The following ADGRL1 variants were observed in gnomAD, a reference collection of about 807,000 sequenced individuals.
ADGRL1 encodes adhesion G protein-coupled receptor L1, also known as CIRL-1.
ADGRL1 carries 31 observed loss-of-function variants against 148.9 expected under a neutral mutation model. That is an observed-to-expected ratio of 0.21 (90% CI 0.16 to 0.28). The LOEUF is 0.28. ADGRL1 is among the 10% of genes least tolerant of loss of function. The pLI is 1.00. For missense variants in ADGRL1, 1,521 were observed against 2,058.8 expected, an observed-to-expected ratio of 0.74 and a Z score of 5.05; for synonymous variants, 937 against 900.3, an observed-to-expected ratio of 1.04 and a Z score of -0.73.
rs996812554 is a variant in ADGRL1, at chr19:14,148,708, C to T, written c.*2165G>A. ...GGTCTTCTGGTGTAATGGGTTAGGC[C>T]TTTCTACCAGAAAAAGCCAGAGTTG... On this transcript the variant is annotated 3_prime_UTR_variant, in exon 23 of 23. Transcript: ENST00000361434. The T allele has an allele frequency of 6.5e-6, 1 of 152,716 alleles. No individual in the cohort carries two copies. The highest frequency in any genetic ancestry group is 1.5e-5 in the Non-Finnish European group (1 of 68,106). The allele number at this position is 152,716 out of a possible 1,614,324, so 9.5% of individuals were successfully genotyped here.
rs1971422393 is a variant in ADGRL1, at chr19:14,184,300, G to A, written c.-95-603C>T. 3.3e-5 allele frequency among the ~76,000 whole-genome samples: 5 copies of A among 152,278 alleles called. 1 individual carries two copies. In the East Asian group the frequency reaches 7.7e-4, roughly 24 times the overall value. On this transcript the variant is annotated intron_variant, in intron 1 of 22. Transcript: ENST00000361434. ...CTGGAGACAGGCAGGCGGGGTGGGA[G>A]GCGGACACTGCCTCCCCCTCTGGGG... is the stretch of plus-strand genomic sequence containing the variant.
intron 4 of ADGRL1, among the ~76,000 whole-genome samples, chr19:14,167,659 CA>C (rs1970105686): frequency 6.6e-6 from 1 of 151,894 alleles, no homozygotes; most frequent in African/African-American, 2.4e-5. Flanking sequence ...CCAGAAGAAG[CA>C]AACACAGAGA....
intron 1 of ADGRL1, among the ~76,000 whole-genome samples, chr19:14,197,214 G>A (rs1296380889): frequency 6.6e-6 from 1 of 152,050 alleles, no homozygotes; most frequent in Non-Finnish European, 1.5e-5. Flanking sequence ...CAAGGCTGCA[G>A]TGAGCTATGA....
intron 1 of ADGRL1, among the ~76,000 whole-genome samples, chr19:14,192,752 T>C (rs1457010519): frequency 6.6e-6 from 1 of 151,994 alleles, no homozygotes; most frequent in Non-Finnish European, 1.5e-5. Context: ...GGTTTCGCCA[T>C]ATTGGTCAGG....
Position 14,150,974 on chromosome 19 carries a change from G to C in ADGRL1, c.4309C>G (p.Gln1437Glu). The change falls in exon 23 of 23, where the codon CAG becomes GAG. Residue 1437 changes from glutamine (Q) to glutamate (E), a missense_variant. Gln to Glu is a conservative substitution (Grantham distance 29). This residue lies in a region of ADGRL1 where 390 missense variants were observed against 375.0 expected (regional missense o/e 1.04). Transcript: ENST00000361434. ...CCCTCGTGGCTAGGACGCCGCACCT[G>C]GTAGTAGCCCTGCAGGGGATTCCGG... The part of the protein sequence containing the change: ...VARNPLQGYY[Q>E]VRRPSHEGYL... 6.2e-7 allele frequency: 1 copy of C among 1,601,470 alleles called. No individual in the cohort carries two copies. The highest frequency in any genetic ancestry group is 8.5e-7 in the Non-Finnish European group (1 of 1,174,986).
intron 2 of ADGRL1, among the ~76,000 whole-genome samples, chr19:14,182,313 C>T (rs950292352): frequency 2.0e-5 from 3 of 152,202 alleles, no homozygotes; most frequent in African/African-American, 4.8e-5. Flanking sequence ...CCATGCTGGC[C>T]GGGGCAGCAC....
In ADGRL1 at chr19:14,157,621, C is replaced by G. The variant is rs1471946679; in HGVS notation, c.2536-161G>C. Among the ~76,000 whole-genome samples the G allele has an allele frequency of 6.6e-6, 1 of 152,258 alleles. No individual in the cohort carries two copies. Among genetic ancestry groups the G allele is most frequent in the Non-Finnish European group, 1.5e-5 (1 of 68,044 alleles). On this transcript the variant is annotated intron_variant, in intron 13 of 22. Transcript: ENST00000361434. This position sits in a 1 kb window ranked among gnomAD's most constrained non-coding sequence, Gnocchi z 7.5. ...TCACCCCTCTGCACGCAGCAATGCG[C>G]TCACTTCCTCATGCTCTGGAAGGCT...
chr19:14,182,408 G>A (rs1010957800), intron 2 of ADGRL1, among the ~76,000 whole-genome samples: 1 of 152,180 alleles, frequency 6.6e-6, no homozygotes, highest in Non-Finnish European at 1.5e-5. Context: ...GCCCCAATGT[G>A]GGGACCGTCG....
At position 14,162,829 on chromosome 19, in the gene ADGRL1, A is replaced by G. The variant is rs3745462; in HGVS notation, c.972T>C (p.Arg324=). 0.15 allele frequency: 235,715 copies of G among 1,613,804 alleles called. 20,909 individuals are homozygous for G. Among genetic ancestry groups the G allele is most frequent in the African/African-American group, 0.4 (30,225 of 74,910 alleles). The part of the protein sequence containing the change: ...FMVCGVLYVL[R]SVYVDDDSEA... The stretch of plus-strand genomic sequence containing the variant: ...CGCTGTCATCATCCACGTACACGGA[A>G]CGCAGGACGTACAGGACCCCACACA... The change falls in exon 5 of 23, where the codon CGT becomes CGC. Residue 324 remains arginine (R), a synonymous_variant. Coordinates refer to ENST00000361434, the MANE Select transcript of ADGRL1 (RefSeq NM_014921.5). This position sits in a 1 kb window ranked among gnomAD's most constrained non-coding sequence, Gnocchi z 5.4.
intron 1 of ADGRL1, among the ~76,000 whole-genome samples, chr19:14,188,037 C>T (rs1332959769): frequency 6.6e-6 from 1 of 152,030 alleles, no homozygotes; most frequent in Non-Finnish European, 1.5e-5. Flanking sequence ...TGCAAGGCTG[C>T]AGTAAGCTAT....
At chr19:14,188,919 G>A (rs919323198) in intron 1 of ADGRL1, among the ~76,000 whole-genome samples, 23 of 149,564 alleles carry the variant, frequency 1.5e-4, no homozygotes, top group Non-Finnish European at 2.8e-4. Context: ...GATTATAGGC[G>A]CCCACCACCA....
At chr19:14,204,358 G>A (rs1008467006) in intron 1 of ADGRL1, among the ~76,000 whole-genome samples, 3 of 152,070 alleles carry the variant, frequency 2.0e-5, no homozygotes, top group African/African-American at 7.2e-5. Flanking sequence ...GGGCAGACAG[G>A]AGAAGAGAAT....
chr19:14,197,307 A>C (rs2145150485), intron 1 of ADGRL1, among the ~76,000 whole-genome samples: 2 of 152,226 alleles, frequency 1.3e-5, no homozygotes, highest in South Asian at 4.1e-4. Context: ...CCGGCCACCA[A>C]GCAGCACTGG....
At chr19:14,192,432 C>T (rs369851870) in intron 1 of ADGRL1, among the ~76,000 whole-genome samples, 12 of 151,206 alleles carry the variant, frequency 7.9e-5, no homozygotes, top group South Asian at 6.2e-4. Flanking sequence ...GTAGAGATGA[C>T]GTTTTGCCAT....
intron 1 of ADGRL1, among the ~76,000 whole-genome samples, chr19:14,193,809 A>T (rs1972096861): frequency 1.3e-5 from 2 of 152,240 alleles, no homozygotes; most frequent in South Asian, 4.1e-4. Context: ...TGCTTCTAGA[A>T]GCCAGGGAAG....
chr19:14,169,315 T>A (rs1265730863), intron 4 of ADGRL1: 1 of 152,102 alleles, frequency 6.6e-6, no homozygotes, highest in Non-Finnish European at 1.5e-5. Context: ...CCCAGAGAAA[T>A]TAAATCATTT....
rs1968854283 is a variant in ADGRL1, at chr19:14,157,177, G to A, written c.2746-32C>T. The stretch of plus-strand genomic sequence containing the variant: ...GGAGCACTGAGGGTGAGGGGCTGCT[G>A]CCTGGACAGGTGTCCCCCTTCTTCT... On this transcript the variant is annotated intron_variant, in intron 14 of 22. Coordinates refer to ENST00000361434, the MANE Select transcript of ADGRL1 (RefSeq NM_014921.5). This position sits in a 1 kb window ranked among gnomAD's most constrained non-coding sequence, Gnocchi z 7.5. The A allele has an allele frequency of 1.2e-6, 2 of 1,613,198 alleles. No homozygotes were observed. The highest frequency in any genetic ancestry group is 1.7e-6 in the Non-Finnish European group (2 of 1,179,392).
At chr19:14,201,398 A>G (rs1599528842) in intron 1 of ADGRL1, among the ~76,000 whole-genome samples, 1 of 131,848 alleles carries the variant, frequency 7.6e-6, no homozygotes, top group African/African-American at 3.1e-5. Context: ...TTGGAACAGG[A>G]GACAGTGAAG....
At chr19:14,181,669 G>A (rs551686388) in intron 2 of ADGRL1, among the ~76,000 whole-genome samples, 1 of 151,606 alleles carries the variant, frequency 6.6e-6, no homozygotes, top group African/African-American at 2.4e-5. Context: ...GCAGTGAGCC[G>A]AGATCACACC....
Sources: allele counts gnomAD v4.1 joint callset (sites outside exome capture counted in the v4.1 genomes callset), GRCh38; gene constraint gnomAD v4.1.1; regional missense constraint gnomAD v4.1.1; non-coding constraint Gnocchi (gnomAD v3.1); transcripts MANE v1.5; gene names NCBI Gene and HGNC (gene_info 2026-07-23, HGNC 2026-07-21).